ASCC3: variants seen among roughly 807,000 people sequenced by gnomAD.
ASCC3 encodes activating signal cointegrator 1 complex subunit 3.
In ASCC3, 158 loss-of-function variants were observed where a neutral mutation model predicts 256.3. That is an observed-to-expected ratio of 0.62 (90% CI 0.54 to 0.70). The LOEUF (loss-of-function observed/expected upper bound fraction) is 0.70, where lower values mean the gene tolerates loss of function less well. ASCC3 is among the 30% of genes least tolerant of loss of function. The probability of loss-of-function intolerance (pLI) is 0.00; values close to 1 mark genes in which losing one functional copy is unlikely to be tolerated. For synonymous variants in ASCC3, 948 were observed against 883.4 expected (o/e 1.07, Z -1.30); for missense variants, 2,259 against 2,626.0 (o/e 0.86, Z 3.05).
At chr6:100,846,902 G>C (rs1772410885) in intron 4 of ASCC3, among the ~76,000 whole-genome samples, 1 of 129,410 alleles carries the variant, frequency 7.7e-6, no homozygotes, top group African/African-American at 2.5e-5. Flanking sequence ...CCTCCTGCTA[G>C]ACAATTAATT....
At chr6:100,594,422 G>T (rs1166780812) in intron 34 of ASCC3, among the ~76,000 whole-genome samples, 1 of 152,034 alleles carries the variant, frequency 6.6e-6, no homozygotes, top group Admixed American at 6.6e-5. Context: ...AATTTTATCA[G>T]ATCTAAAAAT....
chr6:100,617,149 C>T (rs935805177), intron 30 of ASCC3, among the ~76,000 whole-genome samples: 3 of 152,070 alleles, frequency 2.0e-5, no homozygotes, highest in African/African-American at 7.2e-5. Flanking sequence ...GGATTACAGG[C>T]ACATGCCACC....
At chr6:100,521,177 T>TC (rs1191111327) in intron 37 of ASCC3, among the ~76,000 whole-genome samples, 1 of 151,998 alleles carries the variant, frequency 6.6e-6, no homozygotes, top group African/African-American at 2.4e-5. Context: ...CATAAAGTAA[T>TC]CCCCCCTTAT....
rs545911759 is a variant in ASCC3 at position 100,813,336 on chromosome 6, T to C, written c.802-7456A>G. On this transcript the variant is annotated intron_variant, in intron 4 of 41. Coordinates refer to ENST00000369162, the MANE Select transcript of ASCC3 (RefSeq NM_006828.4). ...AGCTGGGCTTGGTGGCGCATGCTTA[T>C]AATCCACCACATGGGAGGCTGAGGC... 5.6e-4 allele frequency among the ~76,000 whole-genome samples: 85 copies of C among 152,022 alleles called. 1 individual carries two copies. The South Asian group carries it at 0.014, about 25-fold the overall frequency.
At chr6:100,781,008 T>C (rs1388154251) in intron 8 of ASCC3, among the ~76,000 whole-genome samples, 1 of 152,216 alleles carries the variant, frequency 6.6e-6, no homozygotes, top group Non-Finnish European at 1.5e-5. Context: ...ATATGACTAC[T>C]ATGAGGCAGA....
rs139116383 is a variant in ASCC3 at position 100,702,292 on chromosome 6, G to C, written c.2151+13170C>G. On this transcript the variant is annotated intron_variant, in intron 13 of 41. Coordinates refer to ENST00000369162, the MANE Select transcript of ASCC3 (RefSeq NM_006828.4). ...TAGGCATTGGTGAGGGTTTACAAAT[G>C]AGACTGAGGGAGAGAGAGTTGACAA... 1.5e-3 allele frequency among the ~76,000 whole-genome samples: 231 copies of C among 152,222 alleles called. 1 individual carries two copies. The highest frequency in any genetic ancestry group is 5.4e-3 in the African/African-American group (225 of 41,562).
intron 36 of ASCC3, among the ~76,000 whole-genome samples, chr6:100,580,511 G>C (rs1037863588): frequency 6.6e-6 from 1 of 151,612 alleles, no homozygotes; most frequent in African/African-American, 2.4e-5. Context: ...TTACCTTCTA[G>C]CTTATTGTTT....
intron 30 of ASCC3, among the ~76,000 whole-genome samples, chr6:100,610,718 T>C (rs900572281): frequency 6.6e-6 from 1 of 152,142 alleles, no homozygotes; most frequent in Non-Finnish European, 1.5e-5. Flanking sequence ...TATGGAAATA[T>C]ATTAGTATGA....
At chr6:100,813,094 T>A (rs1275150119) in intron 4 of ASCC3, among the ~76,000 whole-genome samples, 1 of 151,752 alleles carries the variant, frequency 6.6e-6, no homozygotes, top group Admixed American at 6.6e-5. Context: ...AGCAAAAAAA[T>A]TTTGAAAAAA....
chr6:100,797,869 T>C (rs932150016), intron 8 of ASCC3, among the ~76,000 whole-genome samples: 2 of 152,190 alleles, frequency 1.3e-5, no homozygotes, highest in Non-Finnish European at 2.9e-5. Context: ...TATGTAGTGA[T>C]AAACTGATGC....
intron 14 of ASCC3, among the ~76,000 whole-genome samples, chr6:100,675,627 G>C (rs9399654): frequency 6.6e-6 from 1 of 152,062 alleles, no homozygotes; most frequent in Non-Finnish European, 1.5e-5. Flanking sequence ...TTGAGGATAC[G>C]TATTACTATT....
chr6:100,549,170 G>A (rs1024459311), intron 36 of ASCC3, among the ~76,000 whole-genome samples: 1 of 151,874 alleles, frequency 6.6e-6, no homozygotes, highest in African/African-American at 2.4e-5. Context: ...AGGAAAAATG[G>A]TGAGTCCACG....
chr6:100,767,472 T>TA lies in ASCC3; in HGVS notation c.1396-128_1396-127insT, dbSNP rs1491538483. ...GACTAATTTGTACTTTCACAATGTG[T>TA]CTTTTATTTAAACGGAGGTATATGC... On this transcript the variant is annotated intron_variant, in intron 8 of 41. Transcript: ENST00000369162. 7 of 969,096 alleles carry TA rather than the reference T, an allele frequency of 7.2e-6. No individual in the cohort carries two copies. The African/African-American group carries it at 9.8e-5, about 14-fold the overall frequency. 60.0% of individuals were successfully genotyped at this position (969,096 alleles called of 1,614,324 possible).
intron 1 of ASCC3, among the ~76,000 whole-genome samples, chr6:100,871,321 C>G (rs987612957): frequency 2.6e-5 from 4 of 152,122 alleles, no homozygotes; most frequent in African/African-American, 9.7e-5. Flanking sequence ...GCTTCAAACT[C>G]CTGACCTCGT....
At position 100,644,103 on chromosome 6, in the gene ASCC3, C is replaced by T; in HGVS notation, c.3660G>A (p.Trp1220Ter). The T allele has an allele frequency of 6.2e-7, 1 of 1,612,620 alleles. No homozygotes were observed. Among genetic ancestry groups the T allele is most frequent in the Non-Finnish European group, 8.5e-7 (1 of 1,179,168 alleles). Residue 1220 changes from tryptophan (W) to a stop codon, truncating the protein, a stop_gained, in exon 23 of 42, where the codon TGG becomes TGA. Coordinates refer to ENST00000369162, the MANE Select transcript of ASCC3 (RefSeq NM_006828.4). LOFTEE classifies it high-confidence loss of function. ...DQVHGTVGEP[W>*]WIWVEDPTND... ...TTGTAGGATCTTCTACCCAAATCCA[C>T]CAAGGTTCTCCTACTGTCCCATGTA...
intron 8 of ASCC3, among the ~76,000 whole-genome samples, chr6:100,794,174 T>C (rs773200527): frequency 5.3e-5 from 8 of 152,076 alleles, no homozygotes; most frequent in Admixed American, 2.0e-4. Flanking sequence ...GCCAGAGTAA[T>C]TCCTTTAAGT....
At chr6:100,662,925 T>C (rs1776295538) in intron 14 of ASCC3, among the ~76,000 whole-genome samples, 1 of 152,006 alleles carries the variant, frequency 6.6e-6, no homozygotes, top group South Asian at 2.1e-4. Flanking sequence ...AATGCAAGAC[T>C]ATGGAAATCA....
At chr6:100,742,147 G>A (rs1780465842) in intron 10 of ASCC3, among the ~76,000 whole-genome samples, 1 of 152,130 alleles carries the variant, frequency 6.6e-6, no homozygotes, top group Non-Finnish European at 1.5e-5. Context: ...CTGGAGGTCT[G>A]CTCCAGATCC....
chr6:100,768,662 T>TAG (rs1186592122), intron 8 of ASCC3, among the ~76,000 whole-genome samples: 1 of 152,110 alleles, frequency 6.6e-6, no homozygotes, highest in Non-Finnish European at 1.5e-5. Flanking sequence ...TCAAAATCTA[T>TAG]AGAACAAGGA....
Sources: gnomAD v4.1 joint callset for allele counts (sites outside exome capture counted in the v4.1 genomes callset) on GRCh38, gnomAD v4.1.1 for gene constraint, MANE v1.5 for transcripts, NCBI Gene and HGNC (gene_info 2026-07-23, HGNC 2026-07-21) for gene names.